F13A1: variants seen among roughly 807,000 people sequenced by gnomAD.
F13A1 encodes coagulation factor XIII A chain.
F13A1 carries 47 observed loss-of-function variants against 80.1 expected under a neutral mutation model. That is an observed-to-expected ratio of 0.59 (90% CI 0.46 to 0.75). F13A1 has a LOEUF of 0.75. Among genes scored for constraint, F13A1 ranks in the 30% least tolerant of loss-of-function variants. The pLI, the probability that F13A1 is intolerant of heterozygous loss-of-function variation, is 0.00. For synonymous variants in F13A1, 349 were observed against 344.9 expected (o/e 1.01, Z -0.13); for missense variants, 817 against 930.4 (o/e 0.88, Z 1.59).
chr6:6,179,243 A>G lies in F13A1; in HGVS notation c.1459+2745T>C, dbSNP rs116351736. On this transcript the variant is annotated intron_variant, in intron 11 of 14. Transcript: ENST00000264870. ...AAAGAAGATATATTGCCACAGGAGA[A>G]GTCTTCAGAAATTCTGATTTTCAAA... is the stretch of plus-strand genomic sequence containing the variant. 6.8e-3 allele frequency among the ~76,000 whole-genome samples: 1,038 copies of G among 152,318 alleles called. 14 individuals carry two copies. Among genetic ancestry groups the G allele is most frequent in the African/African-American group, 0.024 (999 of 41,570 alleles).
chr6:6,161,524 A>G (rs976880947), intron 13 of F13A1, among the ~76,000 whole-genome samples: 20 of 133,640 alleles, frequency 1.5e-4, no homozygotes, highest in South Asian at 2.6e-4. Flanking sequence ...CAGAGAGAGG[A>G]TGTGTGTGTG....
intron 14 of F13A1, among the ~76,000 whole-genome samples, chr6:6,150,889 G>A (rs1124219): frequency 0.033 from 5,043 of 152,210 alleles, 117 homozygotes; most frequent in Non-Finnish European, 0.05. Context: ...AGAGGAGAGG[G>A]AAATAAAGTC....
intron 8 of F13A1, among the ~76,000 whole-genome samples, chr6:6,201,457 T>C (rs1289571923): frequency 1.3e-5 from 2 of 152,142 alleles, no homozygotes; most frequent in South Asian, 2.1e-4. Context: ...GGAAAGCTAA[T>C]GGCTCAGCTC....
intron 3 of F13A1, 77 bp from the exon 4 acceptor site, chr6:6,266,886 C>A: frequency 1.9e-6 from 3 of 1,582,530 alleles, no homozygotes; most frequent in Non-Finnish European, 8.7e-7. Flanking sequence ...TATCTTATAG[C>A]TGAAGGGACA....
intron 8 of F13A1, among the ~76,000 whole-genome samples, chr6:6,201,254 G>A (rs1457723876): frequency 2.0e-5 from 3 of 152,150 alleles, no homozygotes; most frequent in Non-Finnish European, 2.9e-5. Context: ...ACCAGGACCC[G>A]GGGAAAAGTT....
intron 3 of F13A1, among the ~76,000 whole-genome samples, chr6:6,282,764 G>C (rs1367336659): frequency 6.6e-6 from 1 of 152,164 alleles, no homozygotes; most frequent in Non-Finnish European, 1.5e-5. Context: ...CTCACATCCA[G>C]TGACTGATCA....
In F13A1 at chr6:6,145,514, G is replaced by C. The variant is rs1760260975; in HGVS notation, c.*105C>G. The C allele has an allele frequency of 6.9e-7, 1 of 1,445,512 alleles. No homozygotes were observed. The highest frequency in any genetic ancestry group is 1.4e-5 in the African/African-American group (1 of 71,714). The allele number at this position is 1,445,512 out of a possible 1,614,324, so 89.5% of individuals were successfully genotyped here. A position where few individuals can be genotyped will look rare whatever the true frequency, so the allele number is the denominator to read the frequency against. On this transcript the variant is annotated 3_prime_UTR_variant, in exon 15 of 15. Coordinates refer to ENST00000264870, the MANE Select transcript of F13A1 (RefSeq NM_000129.4). ...CTGGAGCCCTCTGCAGTCCTGTCTGGGTCTTCACACCTAAGTCAAAGCAAG... is the reference window on the plus strand; with the variant it reads ...CTGGAGCCCTCTGCAGTCCTGTCTGCGTCTTCACACCTAAGTCAAAGCAAG...
intron 8 of F13A1, among the ~76,000 whole-genome samples, chr6:6,213,288 G>C (rs1761654378): frequency 2.0e-5 from 3 of 151,226 alleles, no homozygotes; most frequent in African/African-American, 7.3e-5. Context: ...AGAAAGGTCG[G>C]GTTACCCTCA....
intron 12 of F13A1, among the ~76,000 whole-genome samples, chr6:6,171,614 A>G (rs1244529701): frequency 6.6e-6 from 1 of 152,164 alleles, no homozygotes; most frequent in Non-Finnish European, 1.5e-5. Flanking sequence ...CTTCCTCTTT[A>G]GTCTCTTCTC....
chr6:6,212,520 C>T (rs539414224), intron 8 of F13A1, among the ~76,000 whole-genome samples: 3 of 152,284 alleles, frequency 2.0e-5, no homozygotes, highest in Admixed American at 2.0e-4. Context: ...ACACCAAAAA[C>T]CCATCTGTAC....
intron 8 of F13A1, among the ~76,000 whole-genome samples, chr6:6,198,774 T>A (rs915809614): frequency 2.0e-5 from 3 of 152,192 alleles, no homozygotes; most frequent in Admixed American, 2.0e-4. Flanking sequence ...CAGACTGGCA[T>A]GTGTTAAGTG....
intron 8 of F13A1, among the ~76,000 whole-genome samples, chr6:6,206,870 A>G (rs1196445579): frequency 1.3e-5 from 2 of 150,746 alleles, no homozygotes; most frequent in Non-Finnish European, 2.9e-5. Flanking sequence ...TGCCAAAAAT[A>G]TTCTTACAAA....
At chr6:6,200,600 G>C (rs562064723) in intron 8 of F13A1, among the ~76,000 whole-genome samples, 2 of 151,768 alleles carry the variant, frequency 1.3e-5, no homozygotes, top group African/African-American at 4.8e-5. Flanking sequence ...AGAAAAGATA[G>C]GGCAGGGGCT....
chr6:6,233,421 A>C (rs1298752956), intron 6 of F13A1, among the ~76,000 whole-genome samples: 2 of 152,154 alleles, frequency 1.3e-5, no homozygotes, highest in African/African-American at 2.4e-5. Flanking sequence ...TCCTGAACAG[A>C]CCAATAACAA....
intron 3 of F13A1, among the ~76,000 whole-genome samples, chr6:6,290,310 T>A (rs1758205651): frequency 6.6e-6 from 1 of 152,222 alleles, no homozygotes; most frequent in South Asian, 2.1e-4. Context: ...TATAAAGTTA[T>A]CACAACACAT....
At chr6:6,300,080 C>T (rs1758398828) in intron 3 of F13A1, among the ~76,000 whole-genome samples, 1 of 146,024 alleles carries the variant, frequency 6.8e-6, no homozygotes, top group African/African-American at 2.8e-5. Context: ...GGGTCAGGGA[C>T]CCACTTGAGG....
At chr6:6,273,289 C>T (rs923536486) in intron 3 of F13A1, among the ~76,000 whole-genome samples, 5 of 152,158 alleles carry the variant, frequency 3.3e-5, no homozygotes, top group East Asian at 3.8e-4. Flanking sequence ...TGTACCCAGT[C>T]GGTACCTAAT....
chr6:6,272,674 C>T (rs1757938855), intron 3 of F13A1, among the ~76,000 whole-genome samples: 1 of 152,162 alleles, frequency 6.6e-6, no homozygotes, highest in Non-Finnish European at 1.5e-5. Flanking sequence ...AAGGCACTTT[C>T]CTTGCCAGTC....
intron 11 of F13A1, among the ~76,000 whole-genome samples, chr6:6,181,350 T>C (rs1016911938): frequency 1.3e-5 from 2 of 152,154 alleles, no homozygotes; most frequent in African/African-American, 2.4e-5. Flanking sequence ...ACCAAACCAA[T>C]TGCAGGCATA....
Sources: allele counts gnomAD v4.1 joint callset (sites outside exome capture counted in the v4.1 genomes callset), GRCh38; gene constraint gnomAD v4.1.1; transcripts MANE v1.5; gene names NCBI Gene and HGNC (gene_info 2026-07-23, HGNC 2026-07-21).